Variants in KANSL1 observed in about 807,000 individuals in gnomAD.
KANSL1 encodes the protein MLL1/MLL complex subunit KANSL1.
In KANSL1, 22 loss-of-function variants were observed where a neutral mutation model predicts 103.6. The ratio of observed to expected loss-of-function variants is 0.21; its 90% CI spans 0.15 to 0.30. KANSL1 has a LOEUF of 0.30. Ranked by LOEUF, KANSL1 falls within the 10% of genes least tolerant of loss-of-function variation. The probability of loss-of-function intolerance (pLI) is 1.00; values close to 1 mark genes in which losing one functional copy is unlikely to be tolerated. For synonymous variants in KANSL1, 600 were observed against 527.6 expected, an observed-to-expected ratio of 1.14 and a Z score of -1.88; for missense variants, 1,337 against 1,399.8, an observed-to-expected ratio of 0.96 and a Z score of 0.72.
chr17:46,212,989 T>C (rs1378933386), intron 1 of KANSL1, among the ~76,000 whole-genome samples: 1 of 152,272 alleles, frequency 6.6e-6, no homozygotes, highest in Non-Finnish European at 1.5e-5. Context: ...TCTGATCATG[T>C]TCTTTGCCAG....
At chr17:46,053,935 C>G (rs540441684) in intron 6 of KANSL1, among the ~76,000 whole-genome samples, 1 of 152,136 alleles carries the variant, frequency 6.6e-6, no homozygotes, top group African/African-American at 2.4e-5. Flanking sequence ...ACAACAAGAA[C>G]ACATACAATA....
In KANSL1 at chr17:46,174,204, T is replaced by TTG. The variant is rs574798204; in HGVS notation, c.-89-1973_-89-1972insCA. 3.3e-5 allele frequency among the ~76,000 whole-genome samples: 5 copies of TTG among 152,226 alleles called. No homozygotes were observed. The East Asian group carries it at 9.6e-4, about 29-fold the overall frequency. On this transcript the variant is annotated intron_variant, in intron 1 of 14. Transcript: ENST00000432791. ...TGGGTGTGGATGTGTGTGTGTGTGT[T>TTG]TAACAGAGTCTTGCTCTGTCGCCAC...
intron 6 of KANSL1, among the ~76,000 whole-genome samples, chr17:46,056,243 C>A (rs1598496488): frequency 6.6e-6 from 1 of 152,186 alleles, no homozygotes; most frequent in East Asian, 1.9e-4. Flanking sequence ...AGGTAATCCA[C>A]CCACCTTGGC....
intron 2 of KANSL1, among the ~76,000 whole-genome samples, chr17:46,101,070 A>G (rs1260526833): frequency 6.6e-6 from 1 of 152,222 alleles, no homozygotes; most frequent in Non-Finnish European, 1.5e-5. Flanking sequence ...TAAGTTCTGA[A>G]ATCTCCAGGT....
At chr17:46,149,195 T>G (rs2696582) in intron 2 of KANSL1, among the ~76,000 whole-genome samples, 21,940 of 151,750 alleles carry the variant, frequency 0.14, 2,138 homozygotes, top group Middle Eastern at 0.22. Flanking sequence ...GTAGAGACGG[T>G]GTTTCACGTG....
In KANSL1 at chr17:46,108,640, A is replaced by G. The variant is rs137982960; in HGVS notation, c.1290-13939T>C. Among the ~76,000 whole-genome samples, 969 of 152,340 alleles carry G rather than the reference A, an allele frequency of 6.4e-3. 5 individuals carry two copies. The highest frequency in any genetic ancestry group is 0.014 in the Middle Eastern group (4 of 294). ...TGCCTAGCAAATGGCAGGTACTCAA[A>G]TATTTGTTCAAAGGGAAGGAAGGAA... On this transcript the variant is annotated intron_variant, in intron 2 of 14. Transcript: ENST00000432791.
At chr17:46,133,030 T>C (rs1465549593) in intron 2 of KANSL1, among the ~76,000 whole-genome samples, 4 of 152,134 alleles carry the variant, frequency 2.6e-5, no homozygotes, top group Non-Finnish European at 5.9e-5. Context: ...TTGTTTAGGG[T>C]CCATTATATG....
chr17:46,118,982 G>A (rs140337428), intron 2 of KANSL1, among the ~76,000 whole-genome samples: 340 of 152,300 alleles, frequency 2.2e-3, no homozygotes, highest in African/African-American at 7.8e-3. Flanking sequence ...AAAAATTGTG[G>A]TAAAAGATCC....
intron 1 of KANSL1, among the ~76,000 whole-genome samples, chr17:46,173,730 T>A (rs2046392281): frequency 6.6e-6 from 1 of 152,254 alleles, no homozygotes; most frequent in African/African-American, 2.4e-5. Context: ...CTAATAGTCA[T>A]TATACTCTCC....
Position 46,033,280 on chromosome 17 carries a change from C to A in KANSL1, c.2725-88G>T, listed in dbSNP as rs756749573. ...CATTCTAGGTTCTTCCCGGTCACGACAGGAATACAAGGAGCTTGCACTTCA... is the reference window on the plus strand; with the variant it reads ...CATTCTAGGTTCTTCCCGGTCACGAAAGGAATACAAGGAGCTTGCACTTCA... On this transcript the variant is annotated intron_variant, in intron 12 of 14. Coordinates refer to ENST00000432791, the MANE Select transcript of KANSL1 (RefSeq NM_015443.4). 1.3e-5 allele frequency: 18 copies of A among 1,438,886 alleles called. No individual in the cohort carries two copies. The Middle Eastern group carries it at 5.2e-4, about 42-fold the overall frequency. 89.1% of individuals were successfully genotyped at this position (1,438,886 alleles called of 1,614,324 possible). A position where few individuals can be genotyped will look rare whatever the true frequency, so the allele number is the denominator to read the frequency against.
intron 2 of KANSL1, among the ~76,000 whole-genome samples, chr17:46,166,213 C>CCAAAAAAAAAAAAAA (rs1555573289): frequency 2.1e-5 from 2 of 95,100 alleles, no homozygotes; most frequent in Non-Finnish European, 4.3e-5. Context: ...GACTCTGTCT[C>CCAAAAAAAAAAAAAA]AAAAAAAAAA....
At chr17:46,113,444 G>A (rs1265995376) in intron 2 of KANSL1, among the ~76,000 whole-genome samples, 2 of 152,218 alleles carry the variant, frequency 1.3e-5, no homozygotes, top group Non-Finnish European at 2.9e-5. Flanking sequence ...AGAAAACTAA[G>A]AGTATGCAGC....
At chr17:46,114,940 T>G (rs928419920) in intron 2 of KANSL1, among the ~76,000 whole-genome samples, 2 of 152,248 alleles carry the variant, frequency 1.3e-5, no homozygotes, top group African/African-American at 4.8e-5. Context: ...TCCTTTTGAT[T>G]TAGACACTCT....
At chr17:46,117,843 T>TA (rs747888206) in intron 2 of KANSL1, among the ~76,000 whole-genome samples, 4 of 152,180 alleles carry the variant, frequency 2.6e-5, no homozygotes, top group Admixed American at 2.0e-4. Flanking sequence ...TTTCTTTATA[T>TA]AAAAAAGTGA....
chr17:46,122,895 CCT>C (rs1459126891), intron 2 of KANSL1, among the ~76,000 whole-genome samples: 25 of 152,284 alleles, frequency 1.6e-4, no homozygotes, highest in Non-Finnish European at 3.1e-4. Context: ...TGGCCATTCC[CCT>C]GTCTCTCTCC....
At chr17:46,049,088 A>C (rs1044858660) in intron 7 of KANSL1, among the ~76,000 whole-genome samples, 2 of 148,736 alleles carry the variant, frequency 1.3e-5, no homozygotes, top group African/African-American at 5.1e-5. Context: ...GGAGAATTCT[A>C]AGAGAAGACT....
intron 2 of KANSL1, among the ~76,000 whole-genome samples, chr17:46,134,949 G>A (rs111560525): frequency 6.6e-6 from 1 of 152,138 alleles, no homozygotes; most frequent in Admixed American, 6.5e-5. Flanking sequence ...GTGTAGGGGG[G>A]TCTGGAAATC....
intron 2 of KANSL1, among the ~76,000 whole-genome samples, chr17:46,164,579 T>G (rs531775273): frequency 6.6e-6 from 1 of 152,372 alleles, no homozygotes; most frequent in East Asian, 1.9e-4. Flanking sequence ...TTTAATGGAC[T>G]ATGAAAAGTA....
chr17:46,201,310 C>T (rs1482510964), intron 1 of KANSL1, among the ~76,000 whole-genome samples: 1 of 152,200 alleles, frequency 6.6e-6, no homozygotes, highest in Non-Finnish European at 1.5e-5. Flanking sequence ...ACCAAAGCCA[C>T]TGAATATATG....
Sources: gnomAD v4.1 joint callset for allele counts (sites outside exome capture counted in the v4.1 genomes callset) on GRCh38, gnomAD v4.1.1 for gene constraint, MANE v1.5 for transcripts, NCBI Gene and HGNC (gene_info 2026-07-23, HGNC 2026-07-21) for gene names.